ARHGAP10: variants seen among roughly 807,000 people sequenced by gnomAD.
ARHGAP10 encodes Rho GTPase activating protein 10.
ARHGAP10 carries 87 observed loss-of-function variants against 108.6 expected under a neutral mutation model. The ratio of observed to expected loss-of-function variants is 0.80; its 90% confidence interval spans 0.67 to 0.96. The LOEUF (loss-of-function observed/expected upper bound fraction) is 0.96, where lower values mean the gene tolerates loss of function less well. Among genes scored for constraint, ARHGAP10 ranks in the 40% least tolerant of loss-of-function variants. The pLI is 0.00. For missense variants in ARHGAP10, 939 were observed against 954.5 expected (o/e 0.98, Z 0.21); for synonymous variants, 347 against 341.1 (o/e 1.02, Z -0.19).
intron 18 of ARHGAP10, among the ~76,000 whole-genome samples, chr4:147,976,469 C>T (rs1364350557): frequency 6.6e-6 from 1 of 151,908 alleles, no homozygotes; most frequent in African/African-American, 2.4e-5. Flanking sequence ...TTTCAGACTC[C>T]CCCCCATCCC....
chr4:147,948,833 G>T (rs943642041), intron 15 of ARHGAP10, among the ~76,000 whole-genome samples: 1 of 151,814 alleles, frequency 6.6e-6, no homozygotes, highest in Non-Finnish European at 1.5e-5. Flanking sequence ...CGGCATGGTG[G>T]TGGGCGCCTG....
At chr4:147,927,940 G>A (rs1298122770) in intron 13 of ARHGAP10, among the ~76,000 whole-genome samples, 5 of 152,176 alleles carry the variant, frequency 3.3e-5, no homozygotes, top group African/African-American at 4.8e-5. Context: ...CTGTTACTCC[G>A]TCGCTTTCCT....
chr4:147,958,514 A>G (rs1157377836), intron 16 of ARHGAP10, among the ~76,000 whole-genome samples: 1 of 152,210 alleles, frequency 6.6e-6, no homozygotes, highest in African/African-American at 2.4e-5. Context: ...ATCGTTTTTG[A>G]TAAACATATC....
At chr4:147,953,969 T>C (rs1469560558) in intron 15 of ARHGAP10, among the ~76,000 whole-genome samples, 1 of 152,078 alleles carries the variant, frequency 6.6e-6, no homozygotes, top group Non-Finnish European at 1.5e-5. Flanking sequence ...TATTTCGTTC[T>C]TTTCAGAATA....
At chr4:147,997,061 G>A (rs1274784574) in intron 18 of ARHGAP10, among the ~76,000 whole-genome samples, 2 of 152,210 alleles carry the variant, frequency 1.3e-5, no homozygotes, top group African/African-American at 4.8e-5. Context: ...ACACTGAGCA[G>A]GCAAAACTGT....
At chr4:147,769,405 A>G (rs1019466815) in intron 1 of ARHGAP10, among the ~76,000 whole-genome samples, 4 of 152,168 alleles carry the variant, frequency 2.6e-5, no homozygotes, top group Non-Finnish European at 5.9e-5. Flanking sequence ...TAAGGTTTTC[A>G]TGTTTCTCTG....
chr4:148,068,689 G>A (rs547772693), intron 22 of ARHGAP10, among the ~76,000 whole-genome samples: 16 of 152,296 alleles, frequency 1.1e-4, no homozygotes, highest in African/African-American at 3.1e-4. Context: ...TGGTTGCCTC[G>A]GGGTGGGAGA....
intron 10 of ARHGAP10, among the ~76,000 whole-genome samples, chr4:147,892,620 A>C (rs1480566321): frequency 6.6e-6 from 1 of 151,464 alleles, no homozygotes; most frequent in South Asian, 2.1e-4. Context: ...GGAAGAGCTT[A>C]CTAAAGAAAG....
At chr4:147,753,840 C>T (rs986018076) in intron 1 of ARHGAP10, among the ~76,000 whole-genome samples, 2 of 152,062 alleles carry the variant, frequency 1.3e-5, no homozygotes, top group Non-Finnish European at 2.9e-5. Context: ...GAGGCTGCAC[C>T]GTTTAATAAT....
chr4:147,804,486 AG>A (rs1731703298), intron 1 of ARHGAP10, among the ~76,000 whole-genome samples: 1 of 152,216 alleles, frequency 6.6e-6, no homozygotes, highest in South Asian at 2.1e-4. Context: ...TCTTTATGGT[AG>A]AATGATTTCT....
chr4:148,008,810 A>T (rs912188722), intron 18 of ARHGAP10, among the ~76,000 whole-genome samples: 1 of 152,082 alleles, frequency 6.6e-6, no homozygotes, highest in African/African-American at 2.4e-5. Context: ...TTAAGATTGT[A>T]GTGTGGTGTT....
At chr4:148,017,495 A>G (rs1741389966) in intron 18 of ARHGAP10, among the ~76,000 whole-genome samples, 1 of 151,896 alleles carries the variant, frequency 6.6e-6, no homozygotes, top group African/African-American at 2.4e-5. Flanking sequence ...TTTAATATAA[A>G]TAATTAATAG....
intron 20 of ARHGAP10, among the ~76,000 whole-genome samples, chr4:148,050,937 A>G (rs985157521): frequency 1.3e-5 from 2 of 152,248 alleles, no homozygotes; most frequent in Admixed American, 6.5e-5. Flanking sequence ...GGCTCTTAAT[A>G]GGAGGCAATG....
At chr4:147,851,460 G>A (rs1733874223) in intron 4 of ARHGAP10, among the ~76,000 whole-genome samples, 1 of 152,074 alleles carries the variant, frequency 6.6e-6, no homozygotes, top group South Asian at 2.1e-4. Context: ...TGATCCTCCT[G>A]CCTCGGCCTT....
chr4:147,752,676 C>T (rs1032273745), intron 1 of ARHGAP10, among the ~76,000 whole-genome samples: 5 of 152,022 alleles, frequency 3.3e-5, no homozygotes, highest in Admixed American at 6.6e-5. Context: ...TACAGGTGTG[C>T]GCCGCCATGC....
chr4:148,002,331 A>T (rs1317262990), intron 18 of ARHGAP10, among the ~76,000 whole-genome samples: 1 of 151,946 alleles, frequency 6.6e-6, no homozygotes, highest in African/African-American at 2.4e-5. Flanking sequence ...TTTATTGAGG[A>T]TTTTTGCATC....
chr4:147,836,010 T>C (rs1733156320), intron 3 of ARHGAP10, among the ~76,000 whole-genome samples: 1 of 152,242 alleles, frequency 6.6e-6, no homozygotes, highest in African/African-American at 2.4e-5. Flanking sequence ...AGCTTTTGTT[T>C]TATGATTCTC....
At chr4:148,068,991 G>A (rs1023448254) in intron 22 of ARHGAP10, among the ~76,000 whole-genome samples, 1 of 152,190 alleles carries the variant, frequency 6.6e-6, no homozygotes, top group African/African-American at 2.4e-5. Flanking sequence ...TGCAGGCATA[G>A]GGAGGGTGCG....
rs939116822 is a variant in ARHGAP10, at chr4:147,810,340, C to G, written c.155-12387C>G. On this transcript the variant is annotated intron_variant, in intron 1 of 22. Coordinates refer to ENST00000336498, the MANE Select transcript of ARHGAP10 (RefSeq NM_024605.4). ...TGATTTCTATTTATTTTGTGAATTG[C>G]ATTCATTGTTCACAGTTAACATTAT... Among the ~76,000 whole-genome samples, 4 of 152,300 alleles carry G rather than the reference C, an allele frequency of 2.6e-5. No individual in the cohort carries two copies. In the South Asian group the frequency reaches 8.3e-4, roughly 32 times the overall value.
Sources: gnomAD v4.1 joint callset for allele counts (sites outside exome capture counted in the v4.1 genomes callset) on GRCh38, gnomAD v4.1.1 for gene constraint, MANE v1.5 for transcripts, NCBI Gene and HGNC (gene_info 2026-07-23, HGNC 2026-07-21) for gene names.